MMP16: variants seen among roughly 807,000 people sequenced by gnomAD.
The protein encoded by MMP16 is matrix metalloproteinase-16.
MMP16 carries 12 observed loss-of-function variants against 67.8 expected under a neutral mutation model. The observed-to-expected ratio is 0.18, with a 90% confidence interval of 0.11 to 0.29. MMP16 has a LOEUF of 0.29. MMP16 is among the 10% of genes least tolerant of loss of function. MMP16 has a pLI of 1.00. For missense variants in MMP16, 475 were observed against 765.7 expected (o/e 0.62, Z 4.48); for synonymous variants, 249 against 255.9 (o/e 0.97, Z 0.26).
chr8:88,119,607 C>A (rs576512418), intron 4 of MMP16, among the ~76,000 whole-genome samples: 1 of 152,116 alleles, frequency 6.6e-6, no homozygotes, highest in South Asian at 2.1e-4. Flanking sequence ...AAAAACTCTG[C>A]AGAGATATTT....
chr8:88,223,795 C>T lies in MMP16; in HGVS notation c.133-26489G>A, dbSNP rs541537165. Among the ~76,000 whole-genome samples, 12 of 151,610 alleles carry T rather than the reference C, an allele frequency of 7.9e-5. No homozygotes were observed. The East Asian group carries it at 1.8e-3, about 22-fold the overall frequency. ...ACATGGCACATGTATACATATGTAA[C>T]AAACCTGCAAGTTGTGCACATGTAC... On this transcript the variant is annotated intron_variant, in intron 1 of 9. Transcript: ENST00000286614.
rs968847839 is a variant in MMP16 at position 88,041,521 on chromosome 8, C to T, written c.1764G>A (p.Lys588=). ...LVLVYTVFQF[K]RKGTPRHILY... The stretch of plus-strand genomic sequence containing the variant: ...GTATGTGGCGGGGTGTTCCTTTCCT[C>T]TTGAACTGGAACACAGTGTAAACCA... The change falls in exon 10 of 10, where the codon AAG becomes AAA. Residue 588 remains lysine, a synonymous_variant. Transcript: ENST00000286614. This position sits in a 1 kb window ranked among gnomAD's most constrained non-coding sequence, Gnocchi z 6.0. The T allele has an allele frequency of 6.2e-7, 1 of 1,613,968 alleles. No individual in the cohort carries two copies. The highest frequency in any genetic ancestry group is 8.5e-7 in the Non-Finnish European group (1 of 1,179,970).
rs149097031 is a variant in MMP16, at chr8:88,161,977, A to G, written c.709+5692T>C. 7.8e-3 allele frequency among the ~76,000 whole-genome samples: 1,194 copies of G among 152,152 alleles called. 18 individuals carry two copies. Among genetic ancestry groups the G allele is most frequent in the Middle Eastern group, 0.075 (22 of 294 alleles). On this transcript the variant is annotated intron_variant, in intron 4 of 9. Transcript: ENST00000286614. The stretch of plus-strand genomic sequence containing the variant: ...GCTGATGAGTGCTTTACTTCCAACT[A>G]TATAGTCAATTTTGGAATAAGTGTG...
At chr8:88,228,358 G>A (rs1322322712) in intron 1 of MMP16, among the ~76,000 whole-genome samples, 1 of 152,012 alleles carries the variant, frequency 6.6e-6, no homozygotes, top group Non-Finnish European at 1.5e-5. Context: ...AATAACTGCA[G>A]AACGATTAAA....
intron 1 of MMP16, among the ~76,000 whole-genome samples, chr8:88,247,081 A>T (rs1340129346): frequency 2.0e-5 from 3 of 152,172 alleles, no homozygotes; most frequent in Non-Finnish European, 4.4e-5. Flanking sequence ...ATGAAGAATA[A>T]AGATAACCAA....
intron 3 of MMP16, among the ~76,000 whole-genome samples, chr8:88,180,535 T>G (rs1392830422): frequency 6.6e-6 from 1 of 152,002 alleles, no homozygotes; most frequent in African/African-American, 2.4e-5. Flanking sequence ...TTATTGGGGA[T>G]AAAGAGCCAT....
intron 6 of MMP16, among the ~76,000 whole-genome samples, chr8:88,078,342 G>A (rs1219800927): frequency 2.0e-5 from 3 of 152,172 alleles, no homozygotes; most frequent in African/African-American, 7.2e-5. Flanking sequence ...AACCCAGACA[G>A]ATCATTTAGT....
chr8:88,160,509 G>C (rs1808600339), intron 4 of MMP16, among the ~76,000 whole-genome samples: 1 of 152,074 alleles, frequency 6.6e-6, no homozygotes, highest in South Asian at 2.1e-4. Context: ...AGACATTTAT[G>C]TAGCCAAAAA....
intron 1 of MMP16, among the ~76,000 whole-genome samples, chr8:88,269,077 C>T (rs1359358388): frequency 6.6e-6 from 1 of 152,134 alleles, no homozygotes; most frequent in African/African-American, 2.4e-5. Flanking sequence ...CACTGCACTT[C>T]CTAATCACAG....
chr8:88,183,981 A>G (rs1809026717), intron 3 of MMP16, among the ~76,000 whole-genome samples: 1 of 151,980 alleles, frequency 6.6e-6, no homozygotes, highest in Non-Finnish European at 1.5e-5. Flanking sequence ...CCGGAGCTCA[A>G]GTGATCCGCC....
At chr8:88,074,892 C>A in intron 6 of MMP16, 149 bp from the exon 7 acceptor site, 1 of 1,024,246 alleles carries the variant, frequency 9.8e-7, no homozygotes, top group African/African-American at 1.6e-5. Context: ...AACAACTTGA[C>A]CGCAATGATC....
intron 1 of MMP16, among the ~76,000 whole-genome samples, chr8:88,293,700 CT>C (rs1210873865): frequency 5.3e-5 from 8 of 151,758 alleles, no homozygotes; most frequent in Admixed American, 2.0e-4. Context: ...AAATAGGTAA[CT>C]TTTTTTTAGA....
intron 3 of MMP16, among the ~76,000 whole-genome samples, chr8:88,178,975 A>T (rs1808936478): frequency 6.6e-6 from 1 of 152,098 alleles, no homozygotes; most frequent in Non-Finnish European, 1.5e-5. Flanking sequence ...AGAGAACGGA[A>T]TATCCAAGAA....
At chr8:88,157,758 G>A (rs1323326251) in intron 4 of MMP16, among the ~76,000 whole-genome samples, 1 of 151,982 alleles carries the variant, frequency 6.6e-6, no homozygotes, top group East Asian at 1.9e-4. Context: ...TGCCATGTTG[G>A]TGTGCTGCAC....
chr8:88,287,923 TG>T (rs1349986600), intron 1 of MMP16, among the ~76,000 whole-genome samples: 1 of 152,156 alleles, frequency 6.6e-6, no homozygotes, highest in Non-Finnish European at 1.5e-5. Flanking sequence ...CAACTGTAAA[TG>T]AAAGAGTAAG....
chr8:88,049,139 C>T (rs1180110470), intron 8 of MMP16, among the ~76,000 whole-genome samples: 9 of 152,128 alleles, frequency 5.9e-5, no homozygotes, highest in Non-Finnish European at 8.8e-5. Flanking sequence ...AAGATGAGAA[C>T]AGATCTGACG....
intron 1 of MMP16, among the ~76,000 whole-genome samples, chr8:88,244,204 G>T (rs768313122): frequency 6.6e-6 from 1 of 151,958 alleles, no homozygotes; most frequent in Non-Finnish European, 1.5e-5. Context: ...AAACTCCTCG[G>T]CCGACTTACT....
At chr8:88,143,432 G>A (rs1808243418) in intron 4 of MMP16, among the ~76,000 whole-genome samples, 1 of 152,020 alleles carries the variant, frequency 6.6e-6, no homozygotes, top group South Asian at 2.1e-4. Context: ...TACTACTTGA[G>A]TAAAATCATT....
At chr8:88,259,641 G>A (rs1242781009) in intron 1 of MMP16, among the ~76,000 whole-genome samples, 1 of 151,920 alleles carries the variant, frequency 6.6e-6, no homozygotes, top group South Asian at 2.1e-4. Context: ...AGAAAGGGAA[G>A]AGGAAAGGGA....
Sources: gnomAD v4.1 joint callset for allele counts (sites outside exome capture counted in the v4.1 genomes callset) on GRCh38, gnomAD v4.1.1 for gene constraint, Gnocchi (gnomAD v3.1) non-coding constraint, MANE v1.5 for transcripts, NCBI Gene and HGNC (gene_info 2026-07-23, HGNC 2026-07-21) for gene names.